FAM135B: variants seen among roughly 807,000 people sequenced by gnomAD.
FAM135B encodes family with sequence similarity 135 member B.
In FAM135B, 43 loss-of-function variants were observed where a neutral mutation model predicts 127.7. The ratio of observed to expected loss-of-function variants is 0.34; its 90% CI spans 0.26 to 0.43. The LOEUF (loss-of-function observed/expected upper bound fraction) is 0.43, where lower values mean the gene tolerates loss of function less well. FAM135B is among the 20% of genes least tolerant of loss of function. The probability of loss-of-function intolerance (pLI) is 1.00; values close to 1 mark genes in which losing one functional copy is unlikely to be tolerated. For missense variants in FAM135B, 1,558 were observed against 1,725.6 expected (o/e 0.90, Z 1.72); for synonymous variants, 670 against 665.1 (o/e 1.01, Z -0.11).
At chr8:138,471,202 G>A (rs1386275396) in intron 1 of FAM135B, among the ~76,000 whole-genome samples, 1 of 150,192 alleles carries the variant, frequency 6.7e-6, no homozygotes, top group East Asian at 2.0e-4. Context: ...ACATTATCAT[G>A]CACACAGACA....
chr8:138,458,293 G>A (rs1201854114), intron 1 of FAM135B, among the ~76,000 whole-genome samples: 4 of 152,194 alleles, frequency 2.6e-5, no homozygotes, highest in African/African-American at 9.7e-5. Context: ...AGTTAACACA[G>A]TGGTGATCTG....
At chr8:138,143,869 G>A (rs1295922749) in intron 15 of FAM135B, among the ~76,000 whole-genome samples, 1 of 152,222 alleles carries the variant, frequency 6.6e-6, no homozygotes, top group Admixed American at 6.5e-5. Context: ...TGTCTATCCT[G>A]TGAAGAAAGG....
chr8:138,316,979 CA>C (rs112559661), intron 2 of FAM135B, among the ~76,000 whole-genome samples: 219 of 122,532 alleles, frequency 1.8e-3, no homozygotes, highest in Admixed American at 2.4e-3. Flanking sequence ...GACTCCATCT[CA>C]AAAAAAAAAA....
chr8:138,248,481 T>C (rs987030422), intron 6 of FAM135B, among the ~76,000 whole-genome samples: 4 of 152,162 alleles, frequency 2.6e-5, no homozygotes, highest in African/African-American at 9.7e-5. Context: ...TTCATCCCAT[T>C]GCACCTCCTC....
At chr8:138,341,260 C>T in intron 2 of FAM135B, among the ~76,000 whole-genome samples, 1 of 152,204 alleles carries the variant, frequency 6.6e-6, no homozygotes, top group East Asian at 1.9e-4. Context: ...ACAGCTACAA[C>T]ATAAATTAAC....
At chr8:138,420,680 G>A (rs1229356915) in intron 1 of FAM135B, among the ~76,000 whole-genome samples, 1 of 151,698 alleles carries the variant, frequency 6.6e-6, no homozygotes, top group Non-Finnish European at 1.5e-5. Context: ...ATGACAAGTT[G>A]TTTCAACATA....
intron 2 of FAM135B, among the ~76,000 whole-genome samples, chr8:138,362,595 T>TTAG (rs1830498822): frequency 6.6e-6 from 1 of 152,152 alleles, no homozygotes; most frequent in Non-Finnish European, 1.5e-5. Context: ...GGCAAAAAAC[T>TTAG]TAGCTTGAGG....
intron 2 of FAM135B, among the ~76,000 whole-genome samples, chr8:138,315,294 TATC>T (rs1170197289): frequency 6.6e-6 from 1 of 152,168 alleles, no homozygotes. Context: ...TTAGGACAGT[TATC>T]ATGACAAAGA....
At chr8:138,452,473 AT>A (rs1836551251) in intron 1 of FAM135B, among the ~76,000 whole-genome samples, 1 of 152,130 alleles carries the variant, frequency 6.6e-6, no homozygotes, top group South Asian at 2.1e-4. Context: ...AAAGAGTAGG[AT>A]TGAGAGGCCC....
chr8:138,413,656 T>C (rs1278784179), intron 1 of FAM135B, among the ~76,000 whole-genome samples: 1 of 152,216 alleles, frequency 6.6e-6, no homozygotes, highest in Non-Finnish European at 1.5e-5. Flanking sequence ...AATTTTCCCT[T>C]GAATGTCGTG....
intron 1 of FAM135B, among the ~76,000 whole-genome samples, chr8:138,459,762 C>A (rs1007968136): frequency 2.0e-5 from 3 of 152,156 alleles, no homozygotes; most frequent in Admixed American, 6.5e-5. Context: ...TTGGGTTTTC[C>A]TGTTTCCTCT....
intron 18 of FAM135B, among the ~76,000 whole-genome samples, chr8:138,138,748 G>T (rs1266445759): frequency 6.6e-6 from 1 of 152,254 alleles, no homozygotes; most frequent in Non-Finnish European, 1.5e-5. Context: ...TCTGGCTATT[G>T]AAATGATCTT....
chr8:138,140,576 A>G (rs1241875101), intron 17 of FAM135B, among the ~76,000 whole-genome samples: 1 of 152,094 alleles, frequency 6.6e-6, no homozygotes, highest in Non-Finnish European at 1.5e-5. Context: ...ACTCTTGCTG[A>G]TATATTTAAC....
chr8:138,229,252 T>C (rs2130180973), intron 7 of FAM135B, among the ~76,000 whole-genome samples: 1 of 152,278 alleles, frequency 6.6e-6, no homozygotes, highest in African/African-American at 2.4e-5. Context: ...TGGGGCCTGC[T>C]AGAACCTGAG....
chr8:138,368,231 T>G (rs1037479207), intron 1 of FAM135B, among the ~76,000 whole-genome samples: 2 of 152,186 alleles, frequency 1.3e-5, no homozygotes, highest in Non-Finnish European at 2.9e-5. Context: ...GACCCAGGTG[T>G]CCTAACTCCA....
chr8:138,260,363 GTA>G (rs1206543069), intron 4 of FAM135B, among the ~76,000 whole-genome samples: 1 of 152,172 alleles, frequency 6.6e-6, no homozygotes, highest in East Asian at 1.9e-4. Context: ...CTGTGTCAGT[GTA>G]TGTTTATTCA....
chr8:138,393,598 C>A (rs1832706436), intron 1 of FAM135B, among the ~76,000 whole-genome samples: 1 of 152,046 alleles, frequency 6.6e-6, no homozygotes, highest in Non-Finnish European at 1.5e-5. Flanking sequence ...GCCCTTTTTG[C>A]CTGAAACAGT....
chr8:138,449,879 A>G (rs183791791), intron 1 of FAM135B, among the ~76,000 whole-genome samples: 46 of 152,304 alleles, frequency 3.0e-4, no homozygotes, highest in African/African-American at 1.1e-3. Context: ...CCTAGATGTT[A>G]TATCTTCTAT....
chr8:138,348,497 A>G (rs897572737), intron 2 of FAM135B, among the ~76,000 whole-genome samples: 12 of 152,144 alleles, frequency 7.9e-5, no homozygotes, highest in African/African-American at 2.9e-4. Context: ...GAAAATAAAC[A>G]CTTTATAAAC....
Sources: gnomAD v4.1 joint callset for allele counts (sites outside exome capture counted in the v4.1 genomes callset) on GRCh38, gnomAD v4.1.1 for gene constraint, MANE v1.5 for transcripts, NCBI Gene and HGNC (gene_info 2026-07-23, HGNC 2026-07-21) for gene names.